Variants in STARD9 observed in about 807,000 individuals in gnomAD.
STARD9 encodes StAR related lipid transfer domain containing 9, also known as stAR-related lipid transfer protein 9.
STARD9 carries 346 observed loss-of-function variants against 399.8 expected under a neutral mutation model. The ratio of observed to expected loss-of-function variants is 0.87; its 90% CI spans 0.79 to 0.95. STARD9 has a LOEUF of 0.95. Among genes scored for constraint, STARD9 ranks in the 40% least tolerant of loss-of-function variants. The probability of loss-of-function intolerance (pLI) is 0.00; values close to 1 mark genes in which losing one functional copy is unlikely to be tolerated. For synonymous variants in STARD9, 2,203 were observed against 2,143.5 expected (o/e 1.03, Z -0.77); for missense variants, 5,832 against 5,667.5 (o/e 1.03, Z -0.93).
rs1390928672 is a variant in STARD9 at position 42,663,389 on chromosome 15, C to CA, written c.978dup (p.Pro327ThrfsTer28). On this transcript the variant is annotated frameshift_variant, in exon 12 of 33. Coordinates refer to ENST00000290607, the MANE Select transcript of STARD9 (RefSeq NM_020759.3). LOFTEE classifies it high-confidence loss of function. ...CCTTCTGGGACCAGCAGTGGAGGGGCACCCTCCCGAAGGCAGTCTTATATC... is the reference window on the plus strand; with the variant it reads ...CCTTCTGGGACCAGCAGTGGAGGGGCAACCCTCCCGAAGGCAGTCTTATATC... 1.6e-5 allele frequency: 24 copies of CA among 1,537,262 alleles called. No individual in the cohort carries two copies. In the African/African-American group the frequency reaches 3.0e-4, roughly 19 times the overall value.
At chr15:42,675,315 A>G (rs1473777627) in intron 18 of STARD9, among the ~76,000 whole-genome samples, 1 of 152,200 alleles carries the variant, frequency 6.6e-6, no homozygotes, top group Non-Finnish European at 1.5e-5. Context: ...GCACTCTGTA[A>G]ACACTCATTA....
Position 42,600,005 on chromosome 15 carries a change from C to T in STARD9, c.234+14368C>T, listed in dbSNP as rs1358097010. Among the ~76,000 whole-genome samples, 3 of 152,082 alleles carry T rather than the reference C, an allele frequency of 2.0e-5. No homozygotes were observed. The East Asian group carries it at 5.8e-4, about 29-fold the overall frequency. ...GGGTCATTTTGGTTGGAGGGGACAG[C>T]TTAAAGACTCTAAGGCAGGAATGTA... On this transcript the variant is annotated intron_variant, in intron 3 of 32. Coordinates refer to ENST00000290607, the MANE Select transcript of STARD9 (RefSeq NM_020759.3).
At chr15:42,703,968 C>T (rs1002491157) in intron 26 of STARD9, among the ~76,000 whole-genome samples, 2 of 152,026 alleles carry the variant, frequency 1.3e-5, no homozygotes, top group East Asian at 1.9e-4. Flanking sequence ...AGTGCAGTGG[C>T]GTGATCTTGG....
intron 3 of STARD9, among the ~76,000 whole-genome samples, chr15:42,587,651 C>G (rs571444516): frequency 2.8e-4 from 42 of 152,320 alleles, no homozygotes; most frequent in Non-Finnish European, 5.0e-4. Context: ...ACCACAACTT[C>G]TCCTCCTGGG....
chr15:42,650,234 A>G (rs1337760271), intron 7 of STARD9, among the ~76,000 whole-genome samples: 1 of 151,964 alleles, frequency 6.6e-6, no homozygotes, highest in East Asian at 1.9e-4. Flanking sequence ...TCTATTGACT[A>G]TTATTTTTGT....
intron 26 of STARD9, among the ~76,000 whole-genome samples, chr15:42,702,477 C>G (rs949329967): frequency 6.6e-6 from 1 of 152,170 alleles, no homozygotes; most frequent in Admixed American, 6.5e-5. Context: ...ATTGGGATTA[C>G]AGGCATGAGC....
At position 42,693,891 on chromosome 15, in the gene STARD9, G is replaced by A. The variant is rs572656722; in HGVS notation, c.12313G>A (p.Gly4105Ser). 7.2e-6 allele frequency: 11 copies of A among 1,530,730 alleles called. No individual in the cohort carries two copies. The African/African-American group carries it at 1.1e-4, about 15-fold the overall frequency. The allele number at this position is 1,530,730 out of a possible 1,614,324, so 94.8% of individuals were successfully genotyped here. The change falls in exon 23 of 33, where the codon GGC (glycine) becomes AGC (serine). Residue 4105 changes from glycine (G) to serine (S), a missense_variant. By Grantham distance (56) the Gly-to-Ser change is moderately conservative (BLOSUM62 0). Around this residue, in one of 2 missense-constraint regions of STARD9, gnomAD observed 5,828 missense variants for 5,651.1 expected, o/e 1.03. Coordinates refer to ENST00000290607, the MANE Select transcript of STARD9 (RefSeq NM_020759.3). Reference sequence around the variant, plus strand: ...TGCAGGGCTCCGAGGTTCTGCCTTGGGCCTCCCTCAGGCCTGCCAACCTGA... The same window carrying A: ...TGCAGGGCTCCGAGGTTCTGCCTTGAGCCTCCCTCAGGCCTGCCAACCTGA... ...DTAGLRGSAL[G>S]LPQACQPEEL...
At chr15:42,601,460 A>G (rs1271653631) in intron 3 of STARD9, among the ~76,000 whole-genome samples, 3 of 147,012 alleles carry the variant, frequency 2.0e-5, no homozygotes, top group Non-Finnish European at 4.5e-5. Flanking sequence ...GCGCCCCCCA[A>G]CCTCCCAGAC....
In STARD9 at chr15:42,718,895, C is replaced by A; in HGVS notation, c.13986C>A (p.Val4662=). The change falls in exon 32 of 33, where the codon GTC becomes GTA. Residue 4662 remains valine, a synonymous_variant. Coordinates refer to ENST00000290607, the MANE Select transcript of STARD9 (RefSeq NM_020759.3). ...TGGAAGGGAAGGAAGTCACCAGAGT[C>A]ATCTACTTGGCCCAGGTGATAAATC... ...ITVEGKEVTR[V]IYLAQVELGA... 6.5e-7 allele frequency: 1 copy of A among 1,537,190 alleles called. No individual in the cohort carries two copies. The highest frequency in any genetic ancestry group is 1.2e-5 in the South Asian group (1 of 84,046).
In STARD9 at chr15:42,687,593, G is replaced by C. The variant is rs996431273; in HGVS notation, c.6015G>C (p.Arg2005Ser). The C allele has an allele frequency of 1.3e-6, 2 of 1,536,996 alleles. No individual in the cohort carries two copies. Among genetic ancestry groups the C allele is most frequent in the Non-Finnish European group, 1.7e-6 (2 of 1,146,930 alleles). Residue 2005 changes from arginine (R) to serine (S), a missense_variant, in exon 23 of 33, where the codon AGG becomes AGC. Arg to Ser is a moderately radical substitution (Grantham distance 110). This residue lies in a region of STARD9 where 5,828 missense variants were observed against 5,651.1 expected (regional missense o/e 1.03). Coordinates refer to ENST00000290607, the MANE Select transcript of STARD9 (RefSeq NM_020759.3). ...CAGGTACAAAGCCTGCATATGAAAG[G>C]TTCCAGTTAGTTGCATGCCCTCAGG... is the stretch of plus-strand genomic sequence containing the variant. ...KLPGTKPAYERFQLVACPQER... is the reference protein window; with the variant it reads ...KLPGTKPAYESFQLVACPQER...
intron 3 of STARD9, 35 bp from the exon 4 acceptor site, chr15:42,634,821 C>T: frequency 2.8e-6 from 3 of 1,078,738 alleles, no homozygotes; most frequent in Non-Finnish European, 2.7e-6. Flanking sequence ...AGAAGAAGGA[C>T]CACAGTGATA....
intron 3 of STARD9, among the ~76,000 whole-genome samples, chr15:42,633,458 G>A (rs2059367353): frequency 6.6e-6 from 1 of 152,146 alleles, no homozygotes; most frequent in African/African-American, 2.4e-5. Flanking sequence ...CCATATCACA[G>A]AATCATCTGA....
intron 1 of STARD9, 71 bp downstream of exon 1, chr15:42,575,833 C>A: frequency 2.1e-6 from 3 of 1,459,540 alleles, no homozygotes; most frequent in South Asian, 1.2e-5. Context: ...CGCGTCTCCC[C>A]CTGCAGAGAT....
chr15:42,663,345 C>T lies in STARD9; in HGVS notation c.933C>T (p.Asp311=), dbSNP rs865817212. ...ACAGCTCAGTCAGCAATGGTGGTGACAGTGGGATCCTTAGCTCTCCTTCTG... is the reference window on the plus strand; with the variant it reads ...ACAGCTCAGTCAGCAATGGTGGTGATAGTGGGATCCTTAGCTCTCCTTCTG... ...SLNSSVSNGG[D]SGILSSPSGT... The change falls in exon 12 of 33, where the codon GAC becomes GAT. Residue 311 remains aspartate, a synonymous_variant. Transcript: ENST00000290607. 4 of 1,537,224 alleles carry T rather than the reference C, an allele frequency of 2.6e-6. No individual in the cohort carries two copies. The highest frequency in any genetic ancestry group is 2.6e-6 in the Non-Finnish European group (3 of 1,146,930).
chr15:42,610,203 C>T (rs1393464089), intron 3 of STARD9, among the ~76,000 whole-genome samples: 2 of 152,160 alleles, frequency 1.3e-5, no homozygotes, highest in Admixed American at 6.5e-5. Flanking sequence ...TTTTGCTGCT[C>T]GCTGAATATT....
chr15:42,693,050 CCCCGTTGGG>C lies in STARD9; in HGVS notation c.11474_11482del (p.Pro3825_Gly3827del). ...CATCCCACTTGAGGTTTCAGAAAGC[CCCCGTTGGG>C]CAGCATCTTCCTTCTGTGAGCCCCT... On this transcript the variant is annotated inframe_deletion, in exon 23 of 33. Coordinates refer to ENST00000290607, the MANE Select transcript of STARD9 (RefSeq NM_020759.3). 2 of 1,537,150 alleles carry C rather than the reference CCCCGTTGGG, an allele frequency of 1.3e-6. No homozygotes were observed. Among genetic ancestry groups the C allele is most frequent in the Non-Finnish European group, 1.7e-6 (2 of 1,146,898 alleles).
rs777241909 is a variant in STARD9, at chr15:42,688,024, C to CAA, written c.6448_6449dup (p.Asn2150LysfsTer16). On this transcript the variant is annotated frameshift_variant, in exon 23 of 33. Transcript: ENST00000290607. LOFTEE classifies it high-confidence loss of function. ...CATCCCCAGGTCCAGAAAATCACCC[C>CAA]AAACCCCTTCAGGTCAAGGGAAGGT... 1 of 1,537,506 alleles carries CAA rather than the reference C, an allele frequency of 6.5e-7. No homozygotes were observed. The highest frequency in any genetic ancestry group is 1.2e-5 in the South Asian group (1 of 84,062).
chr15:42,612,283 T>G (rs893000348), intron 3 of STARD9, among the ~76,000 whole-genome samples: 2 of 152,186 alleles, frequency 1.3e-5, no homozygotes, highest in Non-Finnish European at 1.5e-5. Flanking sequence ...TGGCCCCTTA[T>G]TAGCATTCTT....
chr15:42,711,427 C>T (rs1039890166), intron 26 of STARD9, among the ~76,000 whole-genome samples: 3 of 152,218 alleles, frequency 2.0e-5, no homozygotes, highest in Non-Finnish European at 4.4e-5. Flanking sequence ...AGGCGTGAGC[C>T]ACTGCACCCA....
Sources: allele counts gnomAD v4.1 joint callset (sites outside exome capture counted in the v4.1 genomes callset), GRCh38; gene constraint gnomAD v4.1.1; regional missense constraint gnomAD v4.1.1; transcripts MANE v1.5; gene names NCBI Gene and HGNC (gene_info 2026-07-23, HGNC 2026-07-21).